ARHGEF10L: variants seen among roughly 807,000 people sequenced by gnomAD.
The protein encoded by ARHGEF10L is rho guanine nucleotide exchange factor 10-like protein.
ARHGEF10L carries 69 observed loss-of-function variants against 141.2 expected under a neutral mutation model. The ratio of observed to expected loss-of-function variants is 0.49; its 90% confidence interval spans 0.40 to 0.60. The LOEUF (loss-of-function observed/expected upper bound fraction) is 0.60, where lower values mean the gene tolerates loss of function less well. Ranked by LOEUF, ARHGEF10L falls within the 20% of genes least tolerant of loss-of-function variation. The pLI is 0.00. For synonymous variants in ARHGEF10L, 711 were observed against 718.5 expected, an observed-to-expected ratio of 0.99 and a Z score of 0.17; for missense variants, 1,482 against 1,734.3, an observed-to-expected ratio of 0.85 and a Z score of 2.58.
chr1:17,540,414 C>A (rs1280356723), intron 1 of ARHGEF10L, among the ~76,000 whole-genome samples: 1 of 152,080 alleles, frequency 6.6e-6, no homozygotes, highest in Non-Finnish European at 1.5e-5. Context: ...CGCCCAGAGG[C>A]GGAACGGGAC....
At chr1:17,641,084 G>A (rs943326456) in intron 21 of ARHGEF10L, among the ~76,000 whole-genome samples, 1 of 152,150 alleles carries the variant, frequency 6.6e-6, no homozygotes, top group Non-Finnish European at 1.5e-5. Flanking sequence ...GCCCAGTCTC[G>A]ATCCCCATCC....
upstream of ARHGEF10L, among the ~76,000 whole-genome samples, chr1:17,535,787 T>C (rs1210923629): frequency 1.3e-5 from 2 of 152,246 alleles, no homozygotes; most frequent in Non-Finnish European, 2.9e-5. Context: ...TTGTTCCTTT[T>C]GTGGCTATTG....
intron 1 of ARHGEF10L, among the ~76,000 whole-genome samples, chr1:17,546,053 A>G (rs112332241): frequency 1.1e-4 from 16 of 152,308 alleles, no homozygotes; most frequent in African/African-American, 3.8e-4. Flanking sequence ...AACCTTCCTC[A>G]AGTCAGGAGG....
intron 16 of ARHGEF10L, among the ~76,000 whole-genome samples, chr1:17,633,264 C>T (rs2060810016): frequency 6.6e-6 from 1 of 152,242 alleles, no homozygotes; most frequent in African/African-American, 2.4e-5. Flanking sequence ...GTATCAAATA[C>T]TCCCTGAGAA....
intron 18 of ARHGEF10L, among the ~76,000 whole-genome samples, chr1:17,636,201 T>C (rs1345029495): frequency 6.6e-6 from 1 of 152,138 alleles, no homozygotes; most frequent in African/African-American, 2.4e-5. Flanking sequence ...GCTTAGGGGA[T>C]CCCTCCTTCG....
chr1:17,598,584 C>T (rs924823708), intron 4 of ARHGEF10L, among the ~76,000 whole-genome samples: 3 of 152,140 alleles, frequency 2.0e-5, no homozygotes, highest in African/African-American at 7.2e-5. Flanking sequence ...TAATCCCAAC[C>T]ATGGGGGCTC....
At chr1:17,610,237 A>G (rs1027431515) in intron 7 of ARHGEF10L, among the ~76,000 whole-genome samples, 1 of 152,112 alleles carries the variant, frequency 6.6e-6, no homozygotes, top group Non-Finnish European at 1.5e-5. Flanking sequence ...GGGGCCCGGT[A>G]ATCTGCCTTT....
At position 17,558,317 on chromosome 1, in the gene ARHGEF10L, C is replaced by G. The variant is rs962581904; in HGVS notation, c.-44+18367C>G. 6.6e-6 allele frequency among the ~76,000 whole-genome samples: 1 copy of G among 152,232 alleles called. No individual in the cohort carries two copies. The highest frequency in any genetic ancestry group is 2.4e-5 in the African/African-American group (1 of 41,464). ...TTTATTCACCCACTCATCCACCCAT[C>G]ATCTCTTGAATCTCTTCGGCATGCT... On this transcript the variant is annotated intron_variant, in intron 1 of 28. Transcript: ENST00000361221. The surrounding 1 kb of genome is among the most constrained non-coding windows in gnomAD (Gnocchi z 4.2).
At chr1:17,676,170 G>C in intron 26 of ARHGEF10L, among the ~76,000 whole-genome samples, 1 of 148,586 alleles carries the variant, frequency 6.7e-6, no homozygotes, top group East Asian at 2.1e-4. Context: ...GCAGGCGTGG[G>C]TGCAGGTGTG....
intron 23 of ARHGEF10L, 130 bp from the exon 24 acceptor site, chr1:17,655,749 G>GGATGT (rs2062200328): frequency 1.3e-6 from 1 of 799,136 alleles, no homozygotes; most frequent in South Asian, 1.8e-5. Flanking sequence ...TGTGAAGGCA[G>GGATGT]GATGTGTGTG....
At chr1:17,546,969 G>T (rs2076939657) in intron 1 of ARHGEF10L, among the ~76,000 whole-genome samples, 1 of 152,334 alleles carries the variant, frequency 6.6e-6, no homozygotes, top group East Asian at 1.9e-4. Context: ...CTTGCCCAGG[G>T]TTGAGCAACC....
chr1:17,539,594 G>T (rs2100578865), upstream of ARHGEF10L, among the ~76,000 whole-genome samples: 1 of 151,724 alleles, frequency 6.6e-6, no homozygotes, highest in African/African-American at 2.4e-5. The surrounding 1 kb of genome is among the most constrained non-coding windows in gnomAD (Gnocchi z 6.0). Context: ...CTCGCGGCGC[G>T]CTGGGAGCAG....
chr1:17,535,758 A>G (rs1234599297), upstream of ARHGEF10L, among the ~76,000 whole-genome samples: 2 of 152,188 alleles, frequency 1.3e-5, no homozygotes, highest in Non-Finnish European at 2.9e-5. Flanking sequence ...GGACATGGAA[A>G]TGTTCCCAGA....
At chr1:17,586,003 G>T (rs970235620) in intron 2 of ARHGEF10L, among the ~76,000 whole-genome samples, 2 of 152,188 alleles carry the variant, frequency 1.3e-5, no homozygotes, top group Admixed American at 1.3e-4. Context: ...TACCCTCCAG[G>T]GGGACATATG....
chr1:17,689,596 TTCCC>T (rs1280450955), intron 27 of ARHGEF10L: 4 of 85,754 alleles, frequency 4.7e-5, no homozygotes, highest in African/African-American at 1.2e-4. Flanking sequence ...CCCTCTCTTC[TTCCC>T]TCCCTCCCTC....
rs74763218 is a variant in ARHGEF10L at position 17,648,412 on chromosome 1, G to T, written c.2273-142G>T. On this transcript the variant is annotated intron_variant, in intron 21 of 28. Coordinates refer to ENST00000361221, the MANE Select transcript of ARHGEF10L (RefSeq NM_018125.4). ...CTGAGGCTGGATTTCATCTCAGTCC[G>T]GCAGGAGTAGGGTGGGGAGTGACTG... 7.9e-3 allele frequency: 8,233 copies of T among 1,045,324 alleles called. 39 individuals are homozygous for T. The highest frequency in any genetic ancestry group is 0.01 in the Non-Finnish European group (7,562 of 737,432). The allele number at this position is 1,045,324 out of a possible 1,614,324, so 64.8% of individuals were successfully genotyped here.
In ARHGEF10L at chr1:17,696,920, C is replaced by T; in HGVS notation, c.3380C>T (p.Ala1127Val). ...CTGGCTGTGGCTACCAGCATCCTGG[C>T]CCCTGACATCCTGCGGAGTGACCAG... ...AFLAVATSIL[A>V]PDILRSDQEE... is the part of the protein sequence containing the mutation. Residue 1127 changes from alanine (A) to valine (V), a missense_variant, in exon 29 of 29, where the codon GCC (alanine) becomes GTC (valine). Physicochemically the swap from Ala to Val is moderately conservative, Grantham distance 64. This residue lies in a region of ARHGEF10L where 858 missense variants were observed against 966.3 expected (regional missense o/e 0.89). Transcript: ENST00000361221. 6.2e-7 allele frequency: 1 copy of T among 1,609,934 alleles called. No individual in the cohort carries two copies.
At chr1:17,545,356 T>G (rs1399136227) in intron 1 of ARHGEF10L, among the ~76,000 whole-genome samples, 1 of 152,132 alleles carries the variant, frequency 6.6e-6, no homozygotes, top group Non-Finnish European at 1.5e-5. Flanking sequence ...CCAGGACTGA[T>G]CTTAGTGTCC....
intron 15 of ARHGEF10L, among the ~76,000 whole-genome samples, chr1:17,631,827 C>G (rs554525543): frequency 1.3e-5 from 2 of 152,344 alleles, no homozygotes; most frequent in South Asian, 2.1e-4. Context: ...TAGCCAGACC[C>G]GGTCACATGT....
Sources: allele counts gnomAD v4.1 joint callset (sites outside exome capture counted in the v4.1 genomes callset), GRCh38; gene constraint gnomAD v4.1.1; regional missense constraint gnomAD v4.1.1; non-coding constraint Gnocchi (gnomAD v3.1); transcripts MANE v1.5; gene names NCBI Gene and HGNC (gene_info 2026-07-23, HGNC 2026-07-21).